Variants in MYH1 observed in about 807,000 individuals in gnomAD.
MYH1 encodes myosin-1.
MYH1 carries 214 observed loss-of-function variants against 225.6 expected under a neutral mutation model. The observed-to-expected ratio is 0.95, with a 90% CI of 0.85 to 1.06. MYH1 has a LOEUF of 1.06. MYH1 is among the 50% of genes least tolerant of loss of function. MYH1 has a pLI of 0.00. For missense variants in MYH1, 2,098 were observed against 2,344.2 expected (o/e 0.89, Z 2.17); for synonymous variants, 774 against 842.3 (o/e 0.92, Z 1.40).
rs746256005 is a variant in MYH1, at chr17:10,501,531, C to G, written c.3349-32G>C. 4 of 1,614,086 alleles carry G rather than the reference C, an allele frequency of 2.5e-6. No homozygotes were observed. The African/African-American group carries it at 4.0e-5, about 16-fold the overall frequency. ...ATGGTGAAAAATATTAATACGAACT[C>G]AACTTCTTGGTGTCAGTAACTTTTC... is the stretch of plus-strand genomic sequence containing the variant. On this transcript the variant is annotated intron_variant, in intron 26 of 39. Coordinates refer to ENST00000226207, the MANE Select transcript of MYH1 (RefSeq NM_005963.4).
intron 16 of MYH1, 96 bp downstream of exon 16, chr17:10,508,267 C>G: frequency 3.6e-6 from 5 of 1,386,118 alleles, no homozygotes; most frequent in Non-Finnish European, 4.9e-6. Context: ...AATCTACCCA[C>G]CTTGGCCTCC....
intron 30 of MYH1, 126 bp downstream of exon 30, chr17:10,498,500 A>G (rs1597435729): frequency 1.5e-6 from 2 of 1,325,844 alleles, no homozygotes; most frequent in Non-Finnish European, 2.1e-6. Flanking sequence ...CTTCTAAGGC[A>G]TCTACCAAAA....
chr17:10,502,136 A>T (rs1255948179), intron 24 of MYH1, among the ~76,000 whole-genome samples: 1 of 152,234 alleles, frequency 6.6e-6, no homozygotes, highest in Non-Finnish European at 1.5e-5. Context: ...TACTAGTGAG[A>T]CATTATGCCT....
In MYH1 at chr17:10,492,525, T is replaced by A; in HGVS notation, c.5711A>T (p.Gln1904Leu). ...TTCCTCGGCCTCCTCCAGCTCGTGC[T>A]GGATCCTGCGGAATTTGGAGAGGTT... ...NVNLSKFRRI[Q>L]HELEEAEERA... Residue 1904 changes from glutamine to leucine, a missense_variant, in exon 40 of 40, where the codon CAG (glutamine) becomes CTG (leucine). Coordinates refer to ENST00000226207, the MANE Select transcript of MYH1 (RefSeq NM_005963.4). The A allele has an allele frequency of 1.2e-6, 2 of 1,614,166 alleles. No homozygotes were observed. Among genetic ancestry groups the A allele is most frequent in the Non-Finnish European group, 1.7e-6 (2 of 1,180,008 alleles).
Position 10,508,574 on chromosome 17 carries a change from T to A in MYH1, c.1686A>T (p.Lys562Asn), listed in dbSNP as rs778911069. The A allele has an allele frequency of 2.9e-5, 47 of 1,614,046 alleles. No individual in the cohort carries two copies. The Admixed American group carries it at 4.5e-4, about 15-fold the overall frequency. The change falls in exon 16 of 40, where the codon AAA becomes AAT. Residue 562 changes from lysine to asparagine, a missense_variant. Lys to Asn is a moderately conservative substitution (Grantham distance 94, BLOSUM62 0). Coordinates refer to ENST00000226207, the MANE Select transcript of MYH1 (RefSeq NM_005963.4). ...KNKLYEQHLG[K>N]SNNFQKPKPA... Reference sequence around the variant, plus strand: ...GCTTGGGCTTCTGGAAGTTATTGGATTTTCCAAGATGTTGTTCATACAGCT... The same window carrying A: ...GCTTGGGCTTCTGGAAGTTATTGGAATTTCCAAGATGTTGTTCATACAGCT...
chr17:10,492,965 T>C (rs2072950827), intron 39 of MYH1, among the ~76,000 whole-genome samples: 1 of 152,198 alleles, frequency 6.6e-6, no homozygotes, highest in Non-Finnish European at 1.5e-5. Context: ...ATATAAGTTA[T>C]TGCCATGTGA....
rs1361824202 is a variant in MYH1 at position 10,505,496 on chromosome 17, A to G, written c.2190T>C (p.Asn730=). Residue 730 remains asparagine, a synonymous_variant, in exon 20 of 40, where the codon AAT becomes AAC. Coordinates refer to ENST00000226207, the MANE Select transcript of MYH1 (RefSeq NM_005963.4). ...ATTGTCCTTCAGGGATAGCACTTGCATTTAACACCTTGTATCTGTTTAAGC... is the reference window on the plus strand; with the variant it reads ...ATTGTCCTTCAGGGATAGCACTTGCGTTTAACACCTTGTATCTGTTTAAGC... ...ADFKQRYKVL[N]ASAIPEGQFI... The G allele has an allele frequency of 2.5e-6, 4 of 1,614,208 alleles. No homozygotes were observed. Among genetic ancestry groups the G allele is most frequent in the Non-Finnish European group, 3.4e-6 (4 of 1,180,024 alleles).
intron 28 of MYH1, 83 bp from the exon 29 acceptor site, chr17:10,499,175 C>G: frequency 2.4e-6 from 3 of 1,248,416 alleles, no homozygotes; most frequent in Non-Finnish European, 3.5e-6. Flanking sequence ...GGAAAGGGAG[C>G]CAAGTTTGAA....
chr17:10,499,183 G>T, intron 28 of MYH1, 91 bp from the exon 29 acceptor site: 1 of 1,056,982 alleles, frequency 9.5e-7, no homozygotes. Flanking sequence ...AGCCAAGTTT[G>T]AAACTTGATG....
At chr17:10,509,168 G>A (rs1272366550) in intron 15 of MYH1, among the ~76,000 whole-genome samples, 1 of 152,066 alleles carries the variant, frequency 6.6e-6, no homozygotes, top group Non-Finnish European at 1.5e-5. Flanking sequence ...TACTTTGAAT[G>A]CAGTAATAAT....
intron 15 of MYH1, among the ~76,000 whole-genome samples, 160 bp from the exon 16 acceptor site, chr17:10,508,832 AT>A (rs2073143379): frequency 6.6e-6 from 1 of 152,194 alleles, no homozygotes; most frequent in Non-Finnish European, 1.5e-5. Flanking sequence ...CTTCACAAAT[AT>A]TTATTGGGTG....
At chr17:10,494,157 G>T (rs2072962603) in intron 39 of MYH1, among the ~76,000 whole-genome samples, 197 bp downstream of exon 39, 1 of 152,100 alleles carries the variant, frequency 6.6e-6, no homozygotes, top group Non-Finnish European at 1.5e-5. Flanking sequence ...CAAAAGCTTT[G>T]CATTTGCTCT....
chr17:10,508,643 C>A lies in MYH1; in HGVS notation c.1617G>T (p.Glu539Asp). The change falls in exon 16 of 40, where the codon GAG becomes GAT. Residue 539 changes from glutamate to aspartate, a missense_variant. Transcript: ENST00000226207. ...CTGTCGCCTTGGGGAACATGCACTC[C>A]TCTTCCAGGATGGAGAAGATGCCCA... ...KPMGIFSILE[E>D]ECMFPKATDT... 6.2e-7 allele frequency: 1 copy of A among 1,614,136 alleles called. No individual in the cohort carries two copies. Among genetic ancestry groups the A allele is most frequent in the Non-Finnish European group, 8.5e-7 (1 of 1,179,994 alleles).
chr17:10,493,295 G>T (rs531586265), intron 39 of MYH1, among the ~76,000 whole-genome samples: 1 of 152,036 alleles, frequency 6.6e-6, no homozygotes, highest in South Asian at 2.1e-4. Context: ...GGACAGTAGC[G>T]TGTGTGTGTG....
intron 5 of MYH1, 74 bp downstream of exon 5, chr17:10,515,852 T>C (rs2073220570): frequency 1.9e-6 from 3 of 1,608,342 alleles, no homozygotes; most frequent in Admixed American, 1.7e-5. Flanking sequence ...TTTCTAAAGG[T>C]CTTTTTTTAG....
chr17:10,502,924 T>C lies in MYH1; in HGVS notation c.2935-10A>G. On this transcript the variant is annotated splice_polypyrimidine_tract_variant and intron_variant, in intron 23 of 39. Coordinates refer to ENST00000226207, the MANE Select transcript of MYH1 (RefSeq NM_005963.4). ...CTGTGAGGTTTTTCACCTACAAAGG[T>C]GAAGAAAGCAGCTTAGTTGCTCTAA... 1.2e-6 allele frequency: 2 copies of C among 1,614,076 alleles called. No individual in the cohort carries two copies. Among genetic ancestry groups the C allele is most frequent in the Non-Finnish European group, 1.7e-6 (2 of 1,180,020 alleles).
intron 15 of MYH1, 56 bp from the exon 16 acceptor site, chr17:10,508,728 A>G: frequency 6.4e-7 from 1 of 1,569,450 alleles, no homozygotes; most frequent in South Asian, 1.2e-5. Flanking sequence ...TATAGAAATA[A>G]CATTTAACAT....
chr17:10,512,305 A>G (rs2073178341), intron 12 of MYH1, 103 bp downstream of exon 12: 1 of 1,598,180 alleles, frequency 6.3e-7, no homozygotes. Context: ...GGTACATCTG[A>G]GTATGTCCAT....
chr17:10,503,049 G>A lies in MYH1; in HGVS notation c.2891C>T (p.Thr964Ile), dbSNP rs201366901. Residue 964 changes from threonine (T) to isoleucine (I), a missense_variant, in exon 23 of 40, where the codon ACA becomes ATA. Thr to Ile is a moderately conservative substitution (Grantham distance 89, BLOSUM62 -1). Transcript: ENST00000226207. The part of the protein sequence containing the change: ...LKKDIDDLEL[T>I]LAKVEKEKHA... ...TTTCTCCTTCTCAACCTTGGCCAGTGTCAGCTCAAGGTCATCAATGTCTTT... is the reference window on the plus strand; with the variant it reads ...TTTCTCCTTCTCAACCTTGGCCAGTATCAGCTCAAGGTCATCAATGTCTTT... 1 of 1,613,674 alleles carries A rather than the reference G, an allele frequency of 6.2e-7. No homozygotes were observed. The highest frequency in any genetic ancestry group is 8.5e-7 in the Non-Finnish European group (1 of 1,179,746).
Sources: gnomAD v4.1 joint callset for allele counts (sites outside exome capture counted in the v4.1 genomes callset) on GRCh38, gnomAD v4.1.1 for gene constraint, MANE v1.5 for transcripts, NCBI Gene and HGNC (gene_info 2026-07-23, HGNC 2026-07-21) for gene names.